Variants in TNFRSF10C observed in about 807,000 individuals in gnomAD.
The protein encoded by TNFRSF10C is TNF receptor superfamily member 10c, also known as tumor necrosis factor receptor superfamily member 10C.
TNFRSF10C carries 17 observed loss-of-function variants against 16.7 expected under a neutral mutation model. The ratio of observed to expected loss-of-function variants is 1.02; its 90% confidence interval spans 0.70 to 1.53. The LOEUF (loss-of-function observed/expected upper bound fraction) is 1.53, where lower values mean the gene tolerates loss of function less well. Ranked by LOEUF, TNFRSF10C falls within the 40% of genes most tolerant of loss-of-function variation. The pLI is 0.00. For missense variants in TNFRSF10C, 237 were observed against 329.7 expected (o/e 0.72, Z 2.18); for synonymous variants, 73 against 119.7 (o/e 0.61, Z 2.55).
At chr8:23,103,391 C>G in intron 1 of TNFRSF10C, 1 of 847,024 alleles carries the variant, frequency 1.2e-6, no homozygotes, top group Non-Finnish European at 1.8e-6. Context: ...GAGAGGCGGT[C>G]CCCCTGGCTG....
intron 2 of TNFRSF10C, among the ~76,000 whole-genome samples, chr8:23,114,298 G>A (rs1043389101): frequency 5.3e-5 from 8 of 151,860 alleles, no homozygotes; most frequent in African/African-American, 7.3e-5. Flanking sequence ...GAGTGACGGC[G>A]TAAAAAAAGT....
chr8:23,115,782 G>T (rs1248566128), intron 4 of TNFRSF10C, among the ~76,000 whole-genome samples, 166 bp downstream of exon 4: 2 of 152,068 alleles, frequency 1.3e-5, no homozygotes, highest in Non-Finnish European at 2.9e-5. Context: ...TGGTCCATCT[G>T]CCTGTCCCCA....
At chr8:23,103,226 C>A in intron 1 of TNFRSF10C, 45 bp downstream of exon 1, 3 of 1,592,030 alleles carry the variant, frequency 1.9e-6, no homozygotes, top group Non-Finnish European at 2.6e-6. Flanking sequence ...GCGCACCTGG[C>A]GCCGGGAGGG....
At chr8:23,114,938 A>G (rs1040163662) in intron 3 of TNFRSF10C, among the ~76,000 whole-genome samples, 168 bp downstream of exon 3, 4 of 152,192 alleles carry the variant, frequency 2.6e-5, no homozygotes, top group African/African-American at 9.6e-5. Flanking sequence ...AATCTTTTCT[A>G]TAATGCATGC....
intron 1 of TNFRSF10C, among the ~76,000 whole-genome samples, chr8:23,103,937 C>T (rs1382109555): frequency 2.0e-5 from 3 of 150,610 alleles, no homozygotes; most frequent in Admixed American, 6.6e-5. Context: ...TTATGTAATA[C>T]AAAAAAAAGA....
intron 1 of TNFRSF10C, among the ~76,000 whole-genome samples, chr8:23,106,209 C>CA (rs58181527): frequency 0.54 from 81,498 of 151,864 alleles, 23,716 homozygotes; most frequent in East Asian, 0.75. Flanking sequence ...GGAGAGGTGA[C>CA]CCAGGGATTA....
At position 23,117,138 on chromosome 8, in the gene TNFRSF10C, G is replaced by A. The variant is rs1814005672; in HGVS notation, c.*107G>A. The A allele has an allele frequency of 3.3e-6, 5 of 1,502,222 alleles. No individual in the cohort carries two copies. The South Asian group carries it at 5.2e-5, about 16-fold the overall frequency. 93.1% of individuals were successfully genotyped at this position (1,502,222 alleles called of 1,614,324 possible). A position where few individuals can be genotyped will look rare whatever the true frequency, so the allele number is the denominator to read the frequency against. On this transcript the variant is annotated 3_prime_UTR_variant, in exon 5 of 5. Transcript: ENST00000356864. ...TCTCTGCCCTGCCTCCCTCTGCTGT[G>A]TTCCCACAGACAGAAACGCCTGCCC...
chr8:23,110,269 T>C (rs2128830750), intron 1 of TNFRSF10C, among the ~76,000 whole-genome samples: 1 of 152,278 alleles, frequency 6.6e-6, no homozygotes, highest in African/African-American at 2.4e-5. Flanking sequence ...TTAGCTTCAC[T>C]GTCACCAACT....
chr8:23,103,348 G>C, intron 1 of TNFRSF10C, 167 bp downstream of exon 1: 1 of 1,313,930 alleles, frequency 7.6e-7, no homozygotes, highest in East Asian at 2.5e-5. Flanking sequence ...GGGTCCCCGG[G>C]CTGGGCAGGA....
At chr8:23,107,912 A>C (rs1378836446) in intron 1 of TNFRSF10C, among the ~76,000 whole-genome samples, 2 of 152,184 alleles carry the variant, frequency 1.3e-5, no homozygotes, top group African/African-American at 4.8e-5. Flanking sequence ...AAAAAGATAC[A>C]CCATGCAGAG....
chr8:23,113,018 T>A (rs1408483672), intron 2 of TNFRSF10C, among the ~76,000 whole-genome samples: 1 of 152,214 alleles, frequency 6.6e-6, no homozygotes, highest in African/African-American at 2.4e-5. Flanking sequence ...CTTACAGGTG[T>A]GAAGTGATAT....
At chr8:23,103,705 T>A (rs548099663) in intron 1 of TNFRSF10C, 1 of 174,792 alleles carries the variant, frequency 5.7e-6, no homozygotes, top group African/African-American at 2.4e-5. Context: ...CCTTGGTTAA[T>A]GTCTTCCACT....
intron 1 of TNFRSF10C, among the ~76,000 whole-genome samples, chr8:23,107,977 G>A (rs11776990): frequency 0.11 from 17,121 of 152,164 alleles, 1,242 homozygotes; most frequent in East Asian, 0.33. Flanking sequence ...AGTTGATTTT[G>A]TTAGCGGTGG....
chr8:23,114,593 C>A, intron 2 of TNFRSF10C, 64 bp from the exon 3 acceptor site: 1 of 1,382,050 alleles, frequency 7.2e-7, no homozygotes. Flanking sequence ...GAAGTTTCCC[C>A]ACCACTGTCA....
chr8:23,103,937 C>CA (rs150257399), intron 1 of TNFRSF10C, among the ~76,000 whole-genome samples: 8,085 of 150,588 alleles, frequency 0.054, 596 homozygotes, highest in African/African-American at 0.17. Context: ...TTATGTAATA[C>CA]AAAAAAAAGA....
chr8:23,115,555 CAG>C lies in TNFRSF10C; in HGVS notation c.329_330del (p.Gln110LeufsTer2). 3 of 1,613,346 alleles carry C rather than the reference CAG, an allele frequency of 1.9e-6. No individual in the cohort carries two copies. Among genetic ancestry groups the C allele is most frequent in the Non-Finnish European group, 2.5e-6 (3 of 1,179,652 alleles). On this transcript the variant is annotated frameshift_variant, in exon 4 of 5. Coordinates refer to ENST00000356864, the MANE Select transcript of TNFRSF10C (RefSeq NM_003841.5). LOFTEE classifies it high-confidence loss of function. ...CACCATGACCAGAGACACAGTGTGT[CAG>C]TGTAAAGAAGGCACCTTCCGGAATG... is the stretch of plus-strand genomic sequence containing the variant. ...SCTMTRDTVC[Q>X]CKEGTFRNEN...
intron 1 of TNFRSF10C, among the ~76,000 whole-genome samples, chr8:23,109,148 G>T (rs576559270): frequency 6.6e-6 from 1 of 152,314 alleles, no homozygotes; most frequent in South Asian, 2.1e-4. Flanking sequence ...GAGATGGGGA[G>T]TTACTGCTGA....
At chr8:23,111,472 TC>T (rs1290229288) in intron 1 of TNFRSF10C, among the ~76,000 whole-genome samples, 2 of 152,000 alleles carry the variant, frequency 1.3e-5, no homozygotes, top group Admixed American at 6.6e-5. Flanking sequence ...GCCTCAGACT[TC>T]CACATTGCTG....
At position 23,114,637 on chromosome 8, in the gene TNFRSF10C, G is replaced by A. The variant is rs1390258105; in HGVS notation, c.167-20G>A. 1.3e-6 allele frequency: 2 copies of A among 1,598,150 alleles called. No homozygotes were observed. Among genetic ancestry groups the A allele is most frequent in the Non-Finnish European group, 1.7e-6 (2 of 1,165,748 alleles). On this transcript the variant is annotated intron_variant, in intron 2 of 4. Coordinates refer to ENST00000356864, the MANE Select transcript of TNFRSF10C (RefSeq NM_003841.5). ...GAATTCTGTGGTGACTCATTCATTG[G>A]CTTTTCTCTTCCTTCCCAGGATCTC...
Sources: allele counts gnomAD v4.1 joint callset (sites outside exome capture counted in the v4.1 genomes callset), GRCh38; gene constraint gnomAD v4.1.1; transcripts MANE v1.5; gene names NCBI Gene and HGNC (gene_info 2026-07-23, HGNC 2026-07-21).